The following API5 variants were observed in gnomAD, a reference collection of about 807,000 sequenced individuals.
API5 encodes FIF.
Under a neutral mutation model 71.9 loss-of-function variants are expected in API5, and 6 were observed. The ratio of observed to expected loss-of-function variants is 0.08; its 90% CI spans 0.05 to 0.16. The LOEUF (loss-of-function observed/expected upper bound fraction) is 0.16. Among genes scored for constraint, API5 ranks in the 10% least tolerant of loss-of-function variants. The pLI is 1.00. For missense variants in API5, 332 were observed against 612.8 expected (o/e 0.54, Z 4.84); for synonymous variants, 189 against 221.3 (o/e 0.85, Z 1.30).
chr11:43,318,366 A>G, intron 1 of API5: 1 of 1,396,314 alleles, frequency 7.2e-7, no homozygotes, highest in Middle Eastern at 2.2e-4. Flanking sequence ...AATCACTAGA[A>G]TGAAGAAGTA....
rs182411798 is a variant in API5 at position 43,320,318 on chromosome 11, A to G, written c.232-503A>G. ...TTCAGCCTCCCAAAGTGCTGGGATT[A>G]CAGGTGTGAGCCACCACGCCCGGCC... On this transcript the variant is annotated intron_variant, in intron 2 of 13. Coordinates refer to ENST00000531273, the MANE Select transcript of API5 (RefSeq NM_001142930.2). 3.4e-3 allele frequency among the ~76,000 whole-genome samples: 510 copies of G among 152,176 alleles called. 3 individuals are homozygous for G. Among genetic ancestry groups the G allele is most frequent in the African/African-American group, 0.011 (476 of 41,506 alleles).
At position 43,336,999 on chromosome 11, in the gene API5, C is replaced by T. The variant is rs1855456302; in HGVS notation, c.1492+1005C>T. 2.3e-5 allele frequency among the ~76,000 whole-genome samples: 3 copies of T among 127,888 alleles called. No homozygotes were observed. The South Asian group carries it at 7.5e-4, about 32-fold the overall frequency. The allele number at this position is 127,888 out of a possible 152,430, so 83.9% of individuals were successfully genotyped here. A position where few individuals can be genotyped will look rare whatever the true frequency, so the allele number is the denominator to read the frequency against. On this transcript the variant is annotated intron_variant, in intron 13 of 13. Transcript: ENST00000531273. ...CTCCAGCCTAGGCGACAGAGCAAGA[C>T]TCCGTCTCAAAAAAAAAAAAAAAAA...
In API5 at chr11:43,322,017, C is replaced by G. The variant is rs1590356200; in HGVS notation, c.424C>G (p.Gln142Glu). 2 of 1,613,070 alleles carry G rather than the reference C, an allele frequency of 1.2e-6. No homozygotes were observed. The highest frequency in any genetic ancestry group is 1.7e-6 in the Non-Finnish European group (2 of 1,179,712). Residue 142 changes from glutamine (Q) to glutamate (E), a missense_variant, in exon 5 of 14, where the codon CAA (glutamine) becomes GAA (glutamate). By Grantham distance (29) the Gln-to-Glu change is conservative. Around this residue, in one of 3 missense-constraint regions of API5, gnomAD observed 127 missense variants for 237.6 expected, o/e 0.53. Coordinates refer to ENST00000531273, the MANE Select transcript of API5 (RefSeq NM_001142930.2). ...AGGTGGGTTGTTCAGCCAAATACTT[C>G]AAGGAGAGGACATTGTTAGAGAACG... ...TLGGLFSQIL[Q>E]GEDIVRERAI...
intron 2 of API5, 110 bp downstream of exon 2, chr11:43,318,911 T>A (rs1590351678): frequency 8.7e-7 from 1 of 1,147,636 alleles, no homozygotes; most frequent in Admixed American, 2.4e-5. Context: ...AATACTATGG[T>A]ATGGTCTGGC....
chr11:43,318,344 G>A, intron 1 of API5: 2 of 1,317,070 alleles, frequency 1.5e-6, no homozygotes, highest in African/African-American at 1.5e-5. Flanking sequence ...CAGTCACATG[G>A]CCAGAGTTAA....
rs767677435 is a variant in API5, at chr11:43,327,769, T to A, written c.856-20T>A. The A allele has an allele frequency of 4.1e-5, 65 of 1,580,194 alleles. No individual in the cohort carries two copies. Among genetic ancestry groups the A allele is most frequent in the Non-Finnish European group, 5.5e-5 (64 of 1,156,012 alleles). On this transcript the variant is annotated intron_variant, in intron 7 of 13. Coordinates refer to ENST00000531273, the MANE Select transcript of API5 (RefSeq NM_001142930.2). The stretch of plus-strand genomic sequence containing the variant: ...CCTTGCTTATTCAAAAAAACAGTAA[T>A]AGTGAATTGTGTGTTTTAGGTATTG...
intron 4 of API5, 56 bp from the exon 5 acceptor site, chr11:43,321,929 A>G (rs1854905704): frequency 3.4e-6 from 5 of 1,491,108 alleles, no homozygotes; most frequent in South Asian, 1.3e-5. Context: ...GTTAAATGGG[A>G]AAACACCATT....
chr11:43,333,569 A>G (rs1286683183), intron 11 of API5, among the ~76,000 whole-genome samples: 4 of 152,174 alleles, frequency 2.6e-5, no homozygotes, highest in African/African-American at 9.7e-5. Context: ...ACATTAATAC[A>G]GATAGATATA....
intron 11 of API5, among the ~76,000 whole-genome samples, chr11:43,332,675 A>AC (rs1382176916): frequency 6.6e-6 from 1 of 151,538 alleles, no homozygotes; most frequent in African/African-American, 2.4e-5. Context: ...GGAACACCCA[A>AC]CCCCCCTCAC....
intron 13 of API5, among the ~76,000 whole-genome samples, chr11:43,338,648 T>TTA (rs748752244): frequency 6.2e-5 from 6 of 97,012 alleles, no homozygotes; most frequent in African/African-American, 8.1e-5. Flanking sequence ...CAATTGGAGG[T>TTA]AAAAAAAAAA....
At position 43,330,067 on chromosome 11, in the gene API5, A is replaced by G. The variant is rs1233385898; in HGVS notation, c.1221+9A>G. The G allele has an allele frequency of 1.2e-6, 2 of 1,606,436 alleles. No homozygotes were observed. Among genetic ancestry groups the G allele is most frequent in the Non-Finnish European group, 1.7e-6 (2 of 1,173,326 alleles). Reference sequence around the variant, plus strand: ...CCTTAAAAACAGAAGAGGTAAGAATACTGGCTCACATTTCATAAACTGCTA... The same window carrying G: ...CCTTAAAAACAGAAGAGGTAAGAATGCTGGCTCACATTTCATAAACTGCTA... On this transcript the variant is annotated intron_variant, in intron 10 of 13. Transcript: ENST00000531273.
Position 43,326,599 on chromosome 11 carries a change from T to C in API5, c.843T>C (p.Asp281=), listed in dbSNP as rs1413784137. The change falls in exon 7 of 14, where the codon GAT becomes GAC. Residue 281 remains aspartate (D), a synonymous_variant. Transcript: ENST00000531273. The part of the protein sequence containing the change: ...GTLTTPVEGL[D]IQLEVLKLLA... ...TGACTACCCCAGTGGAAGGTCTTGATATACAGTTGGAGGTAAGCAAAAATT... is the reference window on the plus strand; with the variant it reads ...TGACTACCCCAGTGGAAGGTCTTGACATACAGTTGGAGGTAAGCAAAAATT... 1 of 1,606,824 alleles carries C rather than the reference T, an allele frequency of 6.2e-7. No homozygotes were observed. The highest frequency in any genetic ancestry group is 8.5e-7 in the Non-Finnish European group (1 of 1,174,842).
In API5 at chr11:43,320,742, A is replaced by AAAAG. The variant is rs201000845; in HGVS notation, c.232-71_232-68dup. 84 of 1,275,064 alleles carry AAAAG rather than the reference A, an allele frequency of 6.6e-5. No homozygotes were observed. The African/African-American group carries it at 7.1e-4, about 11-fold the overall frequency. The allele number at this position is 1,275,064 out of a possible 1,614,324, so 79.0% of individuals were successfully genotyped here. On this transcript the variant is annotated intron_variant, in intron 2 of 13. Coordinates refer to ENST00000531273, the MANE Select transcript of API5 (RefSeq NM_001142930.2). ...CAATACCTTGTCTTTAAAAAAAAAA[A>AAAAG]AAAGAAAGAAAAGAAAAAGCTGTTT...
intron 1 of API5, among the ~76,000 whole-genome samples, chr11:43,312,458 C>T (rs1369251230): frequency 7.2e-6 from 1 of 138,304 alleles, no homozygotes; most frequent in Non-Finnish European, 1.6e-5. Flanking sequence ...CCTAACTCAG[C>T]CCGTTCAGGC....
chr11:43,312,178 C>G lies in API5; in HGVS notation c.51C>G (p.Ala17=), dbSNP rs572079123. Residue 17 remains alanine (A), a synonymous_variant, in exon 1 of 14, where the codon GCC becomes GCG. Transcript: ENST00000531273. Reference sequence around the variant, plus strand: ...GCAATTATGGCATCCTGGCCGATGCCACGGAGCAAGTGGGCCAGGTGAGTT... The same window carrying G: ...GCAATTATGGCATCCTGGCCGATGCGACGGAGCAAGTGGGCCAGGTGAGTT... ...LYRNYGILAD[A]TEQVGQHKDA... is the part of the protein sequence containing the mutation. 8 of 1,613,924 alleles carry G rather than the reference C, an allele frequency of 5.0e-6. No homozygotes were observed. In the East Asian group the frequency reaches 1.6e-4, roughly 31 times the overall value.
At chr11:43,312,317 C>A in intron 1 of API5, 121 bp downstream of exon 1, 1 of 1,040,270 alleles carries the variant, frequency 9.6e-7, no homozygotes, top group Non-Finnish European at 1.4e-6. Flanking sequence ...GGCCTCCTAG[C>A]CTCCTCAGGC....
chr11:43,320,687 C>A, intron 2 of API5, 134 bp from the exon 3 acceptor site: 1 of 713,624 alleles, frequency 1.4e-6, no homozygotes, highest in Non-Finnish European at 2.3e-6. Flanking sequence ...GCCATGGTTG[C>A]ACCACTGCAC....
chr11:43,313,537 G>A (rs1038103685), intron 1 of API5, among the ~76,000 whole-genome samples: 11 of 151,772 alleles, frequency 7.2e-5, no homozygotes, highest in African/African-American at 2.7e-4. Flanking sequence ...TACCTTTCCC[G>A]TCCCCTTTTC....
rs961864879 is a variant in API5 at position 43,322,209 on chromosome 11, AAT to A, written c.543+74_543+75del. The A allele has an allele frequency of 7.1e-6, 10 of 1,404,706 alleles. No individual in the cohort carries two copies. In the African/African-American group the frequency reaches 1.3e-4, roughly 18 times the overall value. The allele number at this position is 1,404,706 out of a possible 1,614,324, so 87.0% of individuals were successfully genotyped here. A position where few individuals can be genotyped will look rare whatever the true frequency, so the allele number is the denominator to read the frequency against. ...ATACTTGACATTGGCAGTATTCGTC[AAT>A]GTTATGTGTGGCTTGTGTATAAAAT... On this transcript the variant is annotated intron_variant, in intron 5 of 13. Transcript: ENST00000531273.
Sources: gnomAD v4.1 joint callset for allele counts (sites outside exome capture counted in the v4.1 genomes callset) on GRCh38, gnomAD v4.1.1 for gene constraint, gnomAD v4.1.1 regional missense constraint, MANE v1.5 for transcripts, NCBI Gene and HGNC (gene_info 2026-07-23, HGNC 2026-07-21) for gene names.